MSH3: variants seen among roughly 807,000 people sequenced by gnomAD.
The protein encoded by MSH3 is DNA mismatch repair protein Msh3.
Under a neutral mutation model 123.3 loss-of-function variants are expected in MSH3, and 106 were observed. The ratio of observed to expected loss-of-function variants is 0.86; its 90% CI spans 0.73 to 1.01. The LOEUF is 1.01. Ranked by LOEUF, MSH3 falls within the 50% of genes least tolerant of loss-of-function variation. The probability of loss-of-function intolerance (pLI) is 0.00; values close to 1 mark genes in which losing one functional copy is unlikely to be tolerated. For synonymous variants in MSH3, 515 were observed against 481.4 expected (o/e 1.07, Z -0.91); for missense variants, 1,459 against 1,347.6 (o/e 1.08, Z -1.29).
At position 80,670,145 on chromosome 5, in the gene MSH3, C is replaced by A; in HGVS notation, c.628C>A (p.His210Asn). 6.2e-7 allele frequency: 1 copy of A among 1,614,096 alleles called. No homozygotes were observed. The highest frequency in any genetic ancestry group is 1.1e-5 in the South Asian group (1 of 91,070). ...LSQFGSSNTS[H>N]ENLQKTASKS... ...TCAGTTTGGATCATCAAATACAAGT[C>A]ATGAAAATTTACAGAAAACTGCTTC... Residue 210 changes from histidine (H) to asparagine (N), a missense_variant, in exon 4 of 24, where the codon CAT becomes AAT. Physicochemically the swap from His to Asn is moderately conservative, Grantham distance 68 (BLOSUM62 1). Coordinates refer to ENST00000265081, the MANE Select transcript of MSH3 (RefSeq NM_002439.5).
intron 10 of MSH3, among the ~76,000 whole-genome samples, chr5:80,735,972 C>A (rs1015317973): frequency 2.0e-5 from 3 of 152,066 alleles, no homozygotes; most frequent in African/African-American, 7.2e-5. Flanking sequence ...CGCCTGTAAT[C>A]CCAACACTTG....
At chr5:80,743,456 G>C (rs533281919) in intron 11 of MSH3, among the ~76,000 whole-genome samples, 87 of 152,014 alleles carry the variant, frequency 5.7e-4, no homozygotes, top group Non-Finnish European at 1.1e-3. Context: ...TTGGCTATAA[G>C]CACCCTGAGG....
chr5:80,795,708 G>A (rs1379896483), intron 19 of MSH3, among the ~76,000 whole-genome samples: 2 of 152,140 alleles, frequency 1.3e-5, no homozygotes, highest in African/African-American at 4.8e-5. Flanking sequence ...TTTATATGTG[G>A]TAGTCAAACA....
At chr5:80,750,288 A>G (rs1196337098) in intron 12 of MSH3, among the ~76,000 whole-genome samples, 1 of 152,062 alleles carries the variant, frequency 6.6e-6, no homozygotes, top group African/African-American at 2.4e-5. Context: ...TGGTAATTCT[A>G]TTTTTAGTTT....
At chr5:80,842,775 A>T (rs566925990) in intron 20 of MSH3, among the ~76,000 whole-genome samples, 17 of 152,180 alleles carry the variant, frequency 1.1e-4, no homozygotes, top group Non-Finnish European at 2.2e-4. Context: ...ACTTTGCTGA[A>T]GTTGCTTATC....
At chr5:80,832,575 T>C (rs1198752059) in intron 20 of MSH3, among the ~76,000 whole-genome samples, 2 of 150,608 alleles carry the variant, frequency 1.3e-5, no homozygotes, top group Admixed American at 1.3e-4. Flanking sequence ...GCTGAGATTG[T>C]CCCACTGCAC....
intron 15 of MSH3, among the ~76,000 whole-genome samples, chr5:80,773,468 T>G (rs1744246667): frequency 1.3e-5 from 2 of 152,206 alleles, no homozygotes; most frequent in Admixed American, 6.5e-5. Flanking sequence ...CATCACTAGT[T>G]CAAAACAGTT....
chr5:80,806,242 G>A (rs1046725271), intron 19 of MSH3, among the ~76,000 whole-genome samples: 1 of 152,138 alleles, frequency 6.6e-6, no homozygotes, highest in Non-Finnish European at 1.5e-5. Flanking sequence ...GGGATTACTG[G>A]CATGTGCCAC....
rs1743531049 is a variant in MSH3 at position 80,737,377 on chromosome 5, G to C, written c.1569-4087G>C. ...AGAGTAATATGGAGTTGATTTCTCT[G>C]TCCAGCTTTTGACAAAGATGTTTCC... On this transcript the variant is annotated intron_variant, in intron 10 of 23. Coordinates refer to ENST00000265081, the MANE Select transcript of MSH3 (RefSeq NM_002439.5). 2.0e-5 allele frequency among the ~76,000 whole-genome samples: 3 copies of C among 151,874 alleles called. No individual in the cohort carries two copies. In the South Asian group the frequency reaches 6.2e-4, roughly 32 times the overall value.
At chr5:80,797,659 C>T (rs975801787) in intron 19 of MSH3, among the ~76,000 whole-genome samples, 1 of 152,224 alleles carries the variant, frequency 6.6e-6, no homozygotes, top group Non-Finnish European at 1.5e-5. Context: ...AAAACATAAA[C>T]ATATTTTAAG....
chr5:80,861,648 A>G (rs970174182), intron 21 of MSH3, among the ~76,000 whole-genome samples: 9 of 152,292 alleles, frequency 5.9e-5, no homozygotes, highest in Admixed American at 1.3e-4. Context: ...TCCTGGGAGT[A>G]AAACTCACAA....
intron 8 of MSH3, among the ~76,000 whole-genome samples, chr5:80,711,655 CTTTTTTTTCTTT>C (rs1561452125): frequency 1.3e-5 from 2 of 151,750 alleles, no homozygotes; most frequent in African/African-American, 4.8e-5. Context: ...TTTTTTTCTT[CTTTTTTTTCTTT>C]TTTTTGACAT....
chr5:80,767,525 A>G (rs970906981), intron 13 of MSH3, among the ~76,000 whole-genome samples: 7 of 152,134 alleles, frequency 4.6e-5, no homozygotes, highest in Admixed American at 4.6e-4. Context: ...CAGTTTGTTT[A>G]GCCATTGTTC....
intron 21 of MSH3, among the ~76,000 whole-genome samples, chr5:80,863,044 G>T (rs960185436): frequency 3.9e-5 from 6 of 152,114 alleles, no homozygotes; most frequent in African/African-American, 7.2e-5. Context: ...AAAGGGAAAA[G>T]GTATAGTGAA....
chr5:80,778,955 G>A (rs918843577), intron 17 of MSH3, 119 bp downstream of exon 17: 40 of 632,556 alleles, frequency 6.3e-5, no homozygotes, highest in Middle Eastern at 4.1e-4. Flanking sequence ...AAATAGTTGA[G>A]TACATGTGTT....
At chr5:80,864,677 A>C (rs1481986507) in intron 21 of MSH3, 136 bp from the exon 22 acceptor site, 1 of 713,572 alleles carries the variant, frequency 1.4e-6, no homozygotes, top group African/African-American at 1.8e-5. Flanking sequence ...GGTAAACAGT[A>C]TATAATAATT....
In MSH3 at chr5:80,854,308, A is replaced by T. The variant is rs548030451; in HGVS notation, c.2992A>T (p.Ile998Phe). The T allele has an allele frequency of 1.2e-6, 2 of 1,613,386 alleles. No homozygotes were observed. Among genetic ancestry groups the T allele is most frequent in the Non-Finnish European group, 8.5e-7 (1 of 1,179,430 alleles). The change falls in exon 21 of 24, where the codon ATC becomes TTC. Residue 998 changes from isoleucine to phenylalanine, a missense_variant. Ile to Phe is a conservative substitution (Grantham distance 21). Transcript: ENST00000265081. ...AIAYATLEYF[I>F]RDVKSLTLFV... is the part of the protein sequence containing the mutation. ...TGCCTATGCTACACTTGAGTATTTC[A>T]TCAGAGATGTAAGTATCCGGTAAAC...
intron 8 of MSH3, among the ~76,000 whole-genome samples, chr5:80,724,128 A>G (rs1407359889): frequency 1.3e-5 from 2 of 152,216 alleles, no homozygotes; most frequent in Non-Finnish European, 2.9e-5. Context: ...CTGTAACTAA[A>G]GTTTTATATT....
At chr5:80,766,339 CTTTTTTTT>C (rs1166492002) in intron 13 of MSH3, among the ~76,000 whole-genome samples, 16 of 78,222 alleles carry the variant, frequency 2.0e-4, no homozygotes, top group East Asian at 1.8e-3. Flanking sequence ...TGTTTTTTTC[CTTTTTTTT>C]TTTTTTTTTT....
Sources: gnomAD v4.1 joint callset for allele counts (sites outside exome capture counted in the v4.1 genomes callset) on GRCh38, gnomAD v4.1.1 for gene constraint, MANE v1.5 for transcripts, NCBI Gene and HGNC (gene_info 2026-07-23, HGNC 2026-07-21) for gene names.